Variants in SPECC1L observed in about 807,000 individuals in gnomAD.
SPECC1L encodes the protein cytospin-A.
Under a neutral mutation model 116.8 loss-of-function variants are expected in SPECC1L, and 40 were observed. The ratio of observed to expected loss-of-function variants is 0.34; its 90% confidence interval spans 0.27 to 0.45. The LOEUF (loss-of-function observed/expected upper bound fraction) is 0.45. SPECC1L is among the 20% of genes least tolerant of loss of function. SPECC1L has a pLI of 1.00. For synonymous variants in SPECC1L, 504 were observed against 500.6 expected (o/e 1.01, Z -0.09); for missense variants, 1,110 against 1,373.6 (o/e 0.81, Z 3.03).
intron 5 of SPECC1L, among the ~76,000 whole-genome samples, chr22:24,323,586 A>C (rs2040762950): frequency 6.6e-6 from 1 of 152,134 alleles, no homozygotes; most frequent in South Asian, 2.1e-4. Context: ...TATTTCCATG[A>C]GTTATTCTAG....
chr22:24,305,621 T>A (rs2049477993), intron 3 of SPECC1L, among the ~76,000 whole-genome samples: 1 of 152,220 alleles, frequency 6.6e-6, no homozygotes, highest in South Asian at 2.1e-4. Context: ...TTATGAGTAT[T>A]ATTGTTATGA....
At chr22:24,297,509 A>G (rs2083023983) in intron 2 of SPECC1L, among the ~76,000 whole-genome samples, 1 of 152,182 alleles carries the variant, frequency 6.6e-6, no homozygotes, top group African/African-American at 2.4e-5. Context: ...ATGTTTATAT[A>G]TATAGTATAT....
At chr22:24,411,461 C>G in intron 14 of SPECC1L, 127 bp from the exon 15 acceptor site, 2 of 850,244 alleles carry the variant, frequency 2.4e-6, no homozygotes, top group Admixed American at 3.4e-5. Flanking sequence ...GACACAGCCG[C>G]CCTGCCCTGG....
In SPECC1L at chr22:24,322,125, A is replaced by C; in HGVS notation, c.1145A>C (p.Lys382Thr). ...EGIPSIERSRKGSSGNASEVS... is the reference protein window; with the variant it reads ...EGIPSIERSRTGSSGNASEVS... ...ATCCCCAGCATAGAGCGCTCCCGGA[A>C]GGGGAGCAGCGGGAATGCCAGTGAA... is the stretch of plus-strand genomic sequence containing the variant. Residue 382 changes from lysine to threonine, a missense_variant, in exon 5 of 17, where the codon AAG becomes ACG. By Grantham distance (78) the Lys-to-Thr change is moderately conservative (BLOSUM62 -1). Around this residue, in one of 4 missense-constraint regions of SPECC1L, gnomAD observed 437 missense variants for 482.6 expected, o/e 0.91. Coordinates refer to ENST00000314328, the MANE Select transcript of SPECC1L (RefSeq NM_015330.6). 1 of 1,614,082 alleles carries C rather than the reference A, an allele frequency of 6.2e-7. No homozygotes were observed.
intron 4 of SPECC1L, among the ~76,000 whole-genome samples, chr22:24,317,190 C>CA (rs2040597618): frequency 1.0e-5 from 1 of 99,026 alleles, no homozygotes; most frequent in Non-Finnish European, 2.2e-5. Flanking sequence ...AGGGGCTCCT[C>CA]ACTTCCCAGT....
intron 14 of SPECC1L, among the ~76,000 whole-genome samples, chr22:24,375,431 A>G (rs556537744): frequency 1.9e-4 from 29 of 152,346 alleles, no homozygotes; most frequent in African/African-American, 6.7e-4. Flanking sequence ...TATATTAAAG[A>G]GGATTATACA....
Position 24,324,257 on chromosome 22 carries a change from A to G in SPECC1L, c.1976A>G (p.Lys659Arg). 6.2e-7 allele frequency: 1 copy of G among 1,614,126 alleles called. No homozygotes were observed. The highest frequency in any genetic ancestry group is 8.5e-7 in the Non-Finnish European group (1 of 1,180,016). Residue 659 changes from lysine to arginine, a missense_variant, in exon 6 of 17, where the codon AAG (lysine) becomes AGG (arginine). Physicochemically the swap from Lys to Arg is conservative, Grantham distance 26. Transcript: ENST00000314328. ...TACCGAGCCTTCCAAGAAGAAGCTA[A>G]GAAACAAATTGAAGATTTGAATATG... ...DEYRAFQEEAKKQIEDLNMTL... is the reference protein window; with the variant it reads ...DEYRAFQEEARKQIEDLNMTL...
chr22:24,271,029 T>C (rs1203935420), intron 1 of SPECC1L, 46 bp downstream of exon 1: 1 of 152,258 alleles, frequency 6.6e-6, no homozygotes, highest in African/African-American at 2.4e-5. Context: ...GGCGGGTTGG[T>C]TTATCGCCTC....
intron 11 of SPECC1L, among the ~76,000 whole-genome samples, chr22:24,357,263 A>G (rs926778337): frequency 2.0e-5 from 3 of 152,092 alleles, no homozygotes; most frequent in African/African-American, 7.2e-5. Flanking sequence ...GGCATGAAAC[A>G]ATTTCTTTTT....
intron 4 of SPECC1L, among the ~76,000 whole-genome samples, chr22:24,317,925 G>C (rs1369056068): frequency 6.6e-6 from 1 of 152,006 alleles, no homozygotes; most frequent in South Asian, 2.1e-4. Flanking sequence ...CAGATGATGG[G>C]CGGCCGGGCA....
chr22:24,306,202 C>T (rs543781236), intron 3 of SPECC1L, among the ~76,000 whole-genome samples: 4 of 152,234 alleles, frequency 2.6e-5, no homozygotes, highest in South Asian at 2.1e-4. Flanking sequence ...CCACTGCACC[C>T]GGCCTTATAC....
At chr22:24,278,539 ATTGAC>A (rs1355575370) in intron 2 of SPECC1L, among the ~76,000 whole-genome samples, 1 of 152,204 alleles carries the variant, frequency 6.6e-6, no homozygotes, top group African/African-American at 2.4e-5. Context: ...GTTAGCAGAT[ATTGAC>A]TGTTAGGTGC....
intron 14 of SPECC1L, among the ~76,000 whole-genome samples, chr22:24,370,436 A>G (rs971532486): frequency 4.6e-5 from 7 of 152,244 alleles, no homozygotes; most frequent in Admixed American, 1.3e-4. Context: ...AGTGTTGGCA[A>G]AGATGTGGAG....
At chr22:24,410,658 A>G (rs2042678263) in intron 14 of SPECC1L, among the ~76,000 whole-genome samples, 1 of 152,260 alleles carries the variant, frequency 6.6e-6, no homozygotes, top group Admixed American at 6.5e-5. Flanking sequence ...GGTGGGGTAC[A>G]CTATAGCAAT....
intron 14 of SPECC1L, among the ~76,000 whole-genome samples, chr22:24,409,515 A>G (rs934353399): frequency 6.6e-6 from 1 of 152,264 alleles, no homozygotes; most frequent in East Asian, 1.9e-4. Flanking sequence ...GGGCCAGGTA[A>G]GGTGGATCAC....
intron 3 of SPECC1L, among the ~76,000 whole-genome samples, chr22:24,311,493 G>C (rs1476473539): frequency 6.6e-6 from 1 of 152,086 alleles, no homozygotes; most frequent in East Asian, 1.9e-4. Flanking sequence ...CAGTTTTTGT[G>C]AACAGAAACA....
chr22:24,302,591 A>G (rs939181243), intron 3 of SPECC1L, among the ~76,000 whole-genome samples: 7 of 152,198 alleles, frequency 4.6e-5, no homozygotes, highest in African/African-American at 1.7e-4. Context: ...AGGCTTGTTC[A>G]TGAAACAATA....
intron 4 of SPECC1L, among the ~76,000 whole-genome samples, chr22:24,315,747 C>A (rs903535544): frequency 6.6e-6 from 1 of 152,230 alleles, no homozygotes; most frequent in Non-Finnish European, 1.5e-5. Context: ...TAACAAAATA[C>A]CACAGACTGG....
chr22:24,390,852 C>CTTTTTTTTTTTTTTTTCT (rs60006066), intron 14 of SPECC1L, among the ~76,000 whole-genome samples: 1 of 48,582 alleles, frequency 2.1e-5, no homozygotes, highest in African/African-American at 8.1e-5. Flanking sequence ...GCCTGTGTTC[C>CTTTTTTTTTTTTTTTTCT]TTTTTTTTTT....
Sources: allele counts gnomAD v4.1 joint callset (sites outside exome capture counted in the v4.1 genomes callset), GRCh38; gene constraint gnomAD v4.1.1; regional missense constraint gnomAD v4.1.1; transcripts MANE v1.5; gene names NCBI Gene and HGNC (gene_info 2026-07-23, HGNC 2026-07-21).